Variants in CLCN3 observed in about 807,000 individuals in gnomAD.
The protein encoded by CLCN3 is Cl-/H+ antiporter 3.
Under a neutral mutation model 83.4 loss-of-function variants are expected in CLCN3, and 16 were observed. The ratio of observed to expected loss-of-function variants is 0.19; its 90% CI spans 0.13 to 0.29. The LOEUF is 0.29. Ranked by LOEUF, CLCN3 falls within the 10% of genes least tolerant of loss-of-function variation. The pLI is 1.00. For missense variants in CLCN3, 544 were observed against 1,006.0 expected, an observed-to-expected ratio of 0.54 and a Z score of 6.21; for synonymous variants, 322 against 346.2, an observed-to-expected ratio of 0.93 and a Z score of 0.78.
intron 2 of CLCN3, among the ~76,000 whole-genome samples, chr4:169,653,750 A>G (rs1004220681): frequency 2.0e-5 from 3 of 151,954 alleles, no homozygotes; most frequent in African/African-American, 7.3e-5. Flanking sequence ...GCTTCCAATC[A>G]TGATAGAAGC....
At chr4:169,636,424 T>G (rs549630088) in intron 2 of CLCN3, among the ~76,000 whole-genome samples, 24 of 152,306 alleles carry the variant, frequency 1.6e-4, no homozygotes, top group African/African-American at 5.0e-4. Flanking sequence ...AAAGTGAACA[T>G]TTATTATATA....
chr4:169,664,652 CAA>C (rs1731180049), intron 2 of CLCN3, among the ~76,000 whole-genome samples: 1 of 152,146 alleles, frequency 6.6e-6, no homozygotes, highest in Non-Finnish European at 1.5e-5. Context: ...TAGTATAAAA[CAA>C]AGCCTGTTTT....
intron 4 of CLCN3, among the ~76,000 whole-genome samples, chr4:169,688,034 A>G (rs1732228525): frequency 6.6e-6 from 1 of 152,216 alleles, no homozygotes; most frequent in African/African-American, 2.4e-5. Flanking sequence ...TCAATAAAGT[A>G]TCTTTTGATA....
At chr4:169,643,686 A>G (rs1003366994) in intron 2 of CLCN3, among the ~76,000 whole-genome samples, 2 of 152,000 alleles carry the variant, frequency 1.3e-5, no homozygotes, top group African/African-American at 2.4e-5. Context: ...GGCATATACT[A>G]CCACACCCAG....
At chr4:169,641,546 T>A (rs545132812) in intron 2 of CLCN3, among the ~76,000 whole-genome samples, 1 of 152,304 alleles carries the variant, frequency 6.6e-6, no homozygotes, top group South Asian at 2.1e-4. Context: ...ATTCCAGTAT[T>A]TTCATTCAAA....
intron 2 of CLCN3, among the ~76,000 whole-genome samples, chr4:169,643,993 G>A (rs1730498199): frequency 6.6e-6 from 1 of 152,086 alleles, no homozygotes; most frequent in East Asian, 1.9e-4. Flanking sequence ...TTCTTTCAAA[G>A]AAAAATGGTG....
chr4:169,720,322 G>T lies in CLCN3; in HGVS notation c.*325G>T, dbSNP rs1427644087. The T allele has an allele frequency of 5.7e-6, 2 of 348,538 alleles. No homozygotes were observed. Among genetic ancestry groups the T allele is most frequent in the Non-Finnish European group, 1.0e-5 (2 of 193,708 alleles). The allele number at this position is 348,538 out of a possible 1,614,324, so 21.6% of individuals were successfully genotyped here. ...TGCAGGCTTGCGCCTCAACAGAGAT[G>T]ACAGCAGAGTCCTCGAGCACCTGGC... On this transcript the variant is annotated 3_prime_UTR_variant, in exon 13 of 13. Transcript: ENST00000513761.
intron 1 of CLCN3, among the ~76,000 whole-genome samples, chr4:169,623,467 C>T (rs1773156338): frequency 6.6e-6 from 1 of 152,160 alleles, no homozygotes; most frequent in South Asian, 2.1e-4. Flanking sequence ...AAGGTTAAAT[C>T]AAGCAAATTA....
rs200706278 is a variant in CLCN3 at position 169,722,290 on chromosome 4, C to T, written c.*2293C>T. 6.6e-6 allele frequency: 1 copy of T among 152,316 alleles called. No homozygotes were observed. Among genetic ancestry groups the T allele is most frequent in the Admixed American group, 6.5e-5 (1 of 15,298 alleles). 9.4% of individuals were successfully genotyped at this position (152,316 alleles called of 1,614,324 possible). A position where few individuals can be genotyped will look rare whatever the true frequency, so the allele number is the denominator to read the frequency against. On this transcript the variant is annotated 3_prime_UTR_variant, in exon 13 of 13. Transcript: ENST00000513761. The stretch of plus-strand genomic sequence containing the variant: ...AGGATTGAAAGTTGAGCAAAATTTT[C>T]GGGATTTTGGGAAACATTCTTAGCT...
At chr4:169,681,342 A>G (rs1442666008) in intron 3 of CLCN3, among the ~76,000 whole-genome samples, 1 of 152,228 alleles carries the variant, frequency 6.6e-6, no homozygotes, top group Non-Finnish European at 1.5e-5. Context: ...TAAAATTCCA[A>G]ATCTCAAAAG....
chr4:169,631,487 A>T (rs1478338632), intron 1 of CLCN3, among the ~76,000 whole-genome samples: 1 of 151,932 alleles, frequency 6.6e-6, no homozygotes, highest in Admixed American at 6.6e-5. Context: ...ACGGGGTTTC[A>T]CCATGTTAGC....
At chr4:169,718,906 A>G (rs189826794) in intron 12 of CLCN3, among the ~76,000 whole-genome samples, 81 of 152,270 alleles carry the variant, frequency 5.3e-4, no homozygotes, top group African/African-American at 1.6e-3. Context: ...CTATCTTTTA[A>G]TGTAAGCATT....
intron 2 of CLCN3, chr4:169,663,598 C>T (rs1028670558): frequency 5.9e-5 from 25 of 425,556 alleles, no homozygotes; most frequent in African/African-American, 4.8e-4. Flanking sequence ...CCTTGGCCTC[C>T]CAAGTAGCTG....
intron 2 of CLCN3, among the ~76,000 whole-genome samples, chr4:169,671,210 A>G (rs533609351): frequency 6.6e-5 from 10 of 152,356 alleles, no homozygotes; most frequent in African/African-American, 1.9e-4. Context: ...AAAGCCATCA[A>G]TGGTAGACTG....
At chr4:169,623,783 T>C (rs1174949328) in intron 1 of CLCN3, among the ~76,000 whole-genome samples, 1 of 152,194 alleles carries the variant, frequency 6.6e-6, no homozygotes, top group Non-Finnish European at 1.5e-5. Flanking sequence ...TTTTTGTGTC[T>C]TATTTATTTC....
Position 169,668,042 on chromosome 4 carries a change from C to CGTTTT in CLCN3, c.161-12008_161-12007insGTTTT, listed in dbSNP as rs780656327. On this transcript the variant is annotated intron_variant, in intron 2 of 12. Transcript: ENST00000513761. ...GTGTGAGCCACCGCGCCCGGCCAGACATTTTTTTTTTTTTTTTTTTTTTTG... is the reference window on the plus strand; with the variant it reads ...GTGTGAGCCACCGCGCCCGGCCAGACGTTTTATTTTTTTTTTTTTTTTTTTTTTTG... Among the ~76,000 whole-genome samples, 3 of 93,632 alleles carry CGTTTT rather than the reference C, an allele frequency of 3.2e-5. No homozygotes were observed. The Admixed American group carries it at 3.5e-4, about 11-fold the overall frequency. The allele number at this position is 93,632 out of a possible 152,430, so 61.4% of individuals were successfully genotyped here.
rs553681910 is a variant in CLCN3 at position 169,686,502 on chromosome 4, C to T, written c.319-1156C>T. ...CACGATCTCTGCTCACTGCCACCTCCGCCTCCCGGTTTCAAGTGATTCTCC... is the reference window on the plus strand; with the variant it reads ...CACGATCTCTGCTCACTGCCACCTCTGCCTCCCGGTTTCAAGTGATTCTCC... On this transcript the variant is annotated intron_variant, in intron 3 of 12. Coordinates refer to ENST00000513761, the MANE Select transcript of CLCN3 (RefSeq NM_001829.4). Among the ~76,000 whole-genome samples the T allele has an allele frequency of 1.7e-4, 26 of 151,882 alleles. No homozygotes were observed. In the South Asian group the frequency reaches 2.7e-3, roughly 16 times the overall value.
chr4:169,694,644 G>A (rs1254258240), intron 7 of CLCN3, among the ~76,000 whole-genome samples: 1 of 152,160 alleles, frequency 6.6e-6, no homozygotes, highest in African/African-American at 2.4e-5. Flanking sequence ...TTCGAGACCA[G>A]TGTTGCCAAC....
Position 169,697,497 on chromosome 4 carries a change from C to T in CLCN3, c.1326C>T (p.Ala442=). 6.2e-7 allele frequency: 1 copy of T among 1,614,206 alleles called. No individual in the cohort carries two copies. The highest frequency in any genetic ancestry group is 8.5e-7 in the Non-Finnish European group (1 of 1,180,024). Residue 442 remains alanine (A), a synonymous_variant, in exon 9 of 13, where the codon GCC becomes GCT. Coordinates refer to ENST00000513761, the MANE Select transcript of CLCN3 (RefSeq NM_001829.4). ...IIVAAITAVI[A]FPNPYTRLNT... ...TTGCAGCCATTACTGCTGTGATAGC[C>T]TTCCCTAATCCATACACTAGGCTAA...
Sources: allele counts gnomAD v4.1 joint callset (sites outside exome capture counted in the v4.1 genomes callset), GRCh38; gene constraint gnomAD v4.1.1; transcripts MANE v1.5; gene names NCBI Gene and HGNC (gene_info 2026-07-23, HGNC 2026-07-21).